C11orf71: variants seen among roughly 807,000 people sequenced by gnomAD.
C11orf71 encodes uncharacterized protein C11orf71.
For synonymous variants in C11orf71, 72 were observed against 73.4 expected (o/e 0.98, Z 0.09); for missense variants, 179 against 167.6 (o/e 1.07, Z -0.38).
At chr11:114,393,258 T>C (rs976134798) in intron 1 of C11orf71, among the ~76,000 whole-genome samples, 1 of 152,208 alleles carries the variant, frequency 6.6e-6, no homozygotes, top group Non-Finnish European at 1.5e-5. Context: ...AAGCAAGATC[T>C]CCACACCCAC....
chr11:114,392,548 A>AAAG (rs770233378), intron 1 of C11orf71, among the ~76,000 whole-genome samples: 2,081 of 124,426 alleles, frequency 0.017, 125 homozygotes, highest in African/African-American at 0.057. Flanking sequence ...AAAAAAAAAA[A>AAAG]AAGAAGAAGA....
At chr11:114,394,623 T>C (rs966432263), downstream of C11orf71, among the ~76,000 whole-genome samples, 1 of 151,822 alleles carries the variant, frequency 6.6e-6, no homozygotes, top group African/African-American at 2.4e-5. Flanking sequence ...TTAGCCGGGA[T>C]GGTCTCCATC....
At chr11:114,394,202 TC>T (rs1386447204), downstream of C11orf71, among the ~76,000 whole-genome samples, 1 of 43,828 alleles carries the variant, frequency 2.3e-5, no homozygotes, top group African/African-American at 1.2e-4. Flanking sequence ...TCTTTTCTTT[TC>T]TTTTCTTTTC....
At chr11:114,394,106 A>C (rs936296110), downstream of C11orf71, among the ~76,000 whole-genome samples, 6 of 151,324 alleles carry the variant, frequency 4.0e-5, no homozygotes, top group Non-Finnish European at 7.4e-5. Flanking sequence ...CAGCCTCCCA[A>C]GTAGCTGGGA....
chr11:114,394,172 G>T (rs1946094090), downstream of C11orf71, among the ~76,000 whole-genome samples: 1 of 79,634 alleles, frequency 1.3e-5, no homozygotes. Context: ...GGTAGAGACG[G>T]GGTTTCGTTT....
downstream of C11orf71, among the ~76,000 whole-genome samples, chr11:114,394,451 C>T (rs1249676061): frequency 1.3e-5 from 2 of 151,846 alleles, no homozygotes; most frequent in Non-Finnish European, 2.9e-5. Flanking sequence ...CCTGCCACCA[C>T]GCCTGGCTAA....
At chr11:114,394,262 CTTTTCTT>C (rs1565256674), downstream of C11orf71, among the ~76,000 whole-genome samples, 6 of 65,164 alleles carry the variant, frequency 9.2e-5, no homozygotes, top group East Asian at 1.1e-3. Flanking sequence ...CTTTTCTTTT[CTTTTCTT>C]TTCTTTTCTT....
chr11:114,393,113 A>T (rs2135337259), intron 1 of C11orf71, among the ~76,000 whole-genome samples: 1 of 152,336 alleles, frequency 6.6e-6, no homozygotes, highest in East Asian at 1.9e-4. Context: ...TCAAACCTAA[A>T]ATTATAAGGC....
chr11:114,394,284 T>G (rs1352636804), downstream of C11orf71, among the ~76,000 whole-genome samples: 33 of 84,470 alleles, frequency 3.9e-4, 4 homozygotes, highest in African/African-American at 2.1e-3. Flanking sequence ...TTTCTTTTCT[T>G]TTCTCTTATT....
chr11:114,395,388 C>T (rs1221305942), downstream of C11orf71, among the ~76,000 whole-genome samples: 2 of 152,150 alleles, frequency 1.3e-5, no homozygotes, highest in East Asian at 1.9e-4. Context: ...AAGGGCGTTG[C>T]CACAGATGCA....
In C11orf71 at chr11:114,399,888, C is replaced by A; in HGVS notation, c.*72G>T. The A allele has an allele frequency of 6.7e-7, 1 of 1,488,354 alleles. No individual in the cohort carries two copies. The highest frequency in any genetic ancestry group is 1.4e-5 in the South Asian group (1 of 72,486). The allele number at this position is 1,488,354 out of a possible 1,614,324, so 92.2% of individuals were successfully genotyped here. On this transcript the variant is annotated 3_prime_UTR_variant, in exon 1 of 1. Coordinates refer to ENST00000623205, the MANE Select transcript of C11orf71 (RefSeq NM_001271562.2). The stretch of plus-strand genomic sequence containing the variant: ...ATCTAAAAATAAAACAACACGATTG[C>A]TGCTACACCAAGAAAGGATTTTAAA...
downstream of C11orf71, among the ~76,000 whole-genome samples, chr11:114,394,252 CTT>C (rs1310830967): frequency 3.0e-5 from 2 of 66,590 alleles, no homozygotes; most frequent in Admixed American, 2.0e-4. Context: ...CTTTTCTTTT[CTT>C]TTCTTTTCTT....
rs754055816 is a variant in C11orf71 at position 114,400,346 on chromosome 11, C to T, written c.-15G>A. ...TTCAGGGCCATATTCAAACACTGCC[C>T]GCAGTACTTGCGTTACGTCCCTTTG... On this transcript the variant is annotated 5_prime_UTR_variant, in exon 1 of 1. Transcript: ENST00000623205. 44 of 1,589,324 alleles carry T rather than the reference C, an allele frequency of 2.8e-5. No individual in the cohort carries two copies. Among genetic ancestry groups the T allele is most frequent in the Non-Finnish European group, 3.4e-5 (40 of 1,167,388 alleles).
chr11:114,394,223 CT>C (rs1276481963), downstream of C11orf71, among the ~76,000 whole-genome samples: 1 of 60,272 alleles, frequency 1.7e-5, no homozygotes. Flanking sequence ...CTTTTCTTTT[CT>C]TTTCTTTCTT....
In C11orf71 at chr11:114,399,504, G is replaced by A. The variant is rs1260376486; in HGVS notation, c.*456C>T. 1 of 154,582 alleles carries A rather than the reference G, an allele frequency of 6.5e-6. No individual in the cohort carries two copies. Among genetic ancestry groups the A allele is most frequent in the Non-Finnish European group, 1.4e-5 (1 of 69,840 alleles). 9.6% of individuals were successfully genotyped at this position (154,582 alleles called of 1,614,324 possible). A position where few individuals can be genotyped will look rare whatever the true frequency, so the allele number is the denominator to read the frequency against. ...TAGGTTTTGTTCTTATTTTTAGTGC[G>A]ACTGAGATTGGAGTCTGTTTGTAGA... On this transcript the variant is annotated 3_prime_UTR_variant, in exon 1 of 1. Transcript: ENST00000623205.
rs904439958 is a variant in C11orf71 at position 114,399,278 on chromosome 11, A to G, written c.*682T>C. 6.6e-6 allele frequency: 1 copy of G among 152,244 alleles called. No homozygotes were observed. 9.4% of individuals were successfully genotyped at this position (152,244 alleles called of 1,614,324 possible). On this transcript the variant is annotated 3_prime_UTR_variant, in exon 1 of 1. Transcript: ENST00000623205. The stretch of plus-strand genomic sequence containing the variant: ...AAACACACATTTCAAGGAGGGCACT[A>G]CAGTGAGTAGATGAACAGTTTTCTG...
chr11:114,392,548 A>G lies in C11orf71; in HGVS notation c.344-883T>C, dbSNP rs113834149. Among the ~76,000 whole-genome samples the G allele has an allele frequency of 8.3e-4, 104 of 124,886 alleles. 1 individual carries two copies. The highest frequency in any genetic ancestry group is 2.2e-3 in the African/African-American group (76 of 34,254). 81.9% of individuals were successfully genotyped at this position (124,886 alleles called of 152,430 possible). A position where few individuals can be genotyped will look rare whatever the true frequency, so the allele number is the denominator to read the frequency against. The stretch of plus-strand genomic sequence containing the variant: ...ATGAGACAAAAAAAAAAAAAAAAAA[A>G]AAGAAGAAGAAGAAGAAGAAAAAAG... On this transcript the variant is annotated intron_variant, in intron 1 of 1. Coordinates refer to the C11orf71 transcript ENST00000325636.
chr11:114,394,328 T>G (rs1423500961), downstream of C11orf71, among the ~76,000 whole-genome samples: 2 of 149,678 alleles, frequency 1.3e-5, no homozygotes. Flanking sequence ...GGAGTCGCAC[T>G]CTGTTGCCCA....
downstream of C11orf71, among the ~76,000 whole-genome samples, chr11:114,396,376 G>A (rs1239986545): frequency 2.0e-5 from 3 of 152,122 alleles, no homozygotes; most frequent in African/African-American, 7.2e-5. Flanking sequence ...TTGGCCTCAT[G>A]CCTTTTTTTC....
Sources: gnomAD v4.1 joint callset for allele counts (sites outside exome capture counted in the v4.1 genomes callset) on GRCh38, gnomAD v4.1.1 for gene constraint, MANE v1.5 for transcripts, NCBI Gene and HGNC (gene_info 2026-07-23, HGNC 2026-07-21) for gene names.